The following HIBADH variants were observed in gnomAD, a reference collection of about 807,000 sequenced individuals.
HIBADH encodes 3-hydroxyisobutyrate dehydrogenase.
In HIBADH, 25 loss-of-function variants were observed where a neutral mutation model predicts 36.1. That is an observed-to-expected ratio of 0.69 (90% CI 0.50 to 0.97). The LOEUF is 0.97. Ranked by LOEUF, HIBADH falls within the 50% of genes least tolerant of loss-of-function variation. The pLI is 0.00. For missense variants in HIBADH, 421 were observed against 418.0 expected (o/e 1.01, Z -0.06); for synonymous variants, 160 against 149.5 (o/e 1.07, Z -0.51).
intron 1 of HIBADH, among the ~76,000 whole-genome samples, chr7:27,655,923 A>G (rs187882787): frequency 7.4e-4 from 112 of 152,306 alleles, no homozygotes; most frequent in African/African-American, 2.5e-3. Context: ...CAAATTGTAT[A>G]TTAGGTCGAC....
chr7:27,570,507 C>T (rs1469623857), intron 4 of HIBADH, among the ~76,000 whole-genome samples: 1 of 152,082 alleles, frequency 6.6e-6, no homozygotes, highest in East Asian at 1.9e-4. Context: ...TATCAGAAAG[C>T]AAATCAGTGT....
At chr7:27,561,730 A>T (rs1784471378) in intron 4 of HIBADH, among the ~76,000 whole-genome samples, 1 of 152,180 alleles carries the variant, frequency 6.6e-6, no homozygotes, top group Admixed American at 6.5e-5. Context: ...GTAGACATTT[A>T]TAAATTTCTT....
chr7:27,623,820 C>T (rs953584815), intron 4 of HIBADH, among the ~76,000 whole-genome samples: 1 of 152,122 alleles, frequency 6.6e-6, no homozygotes, highest in Non-Finnish European at 1.5e-5. Context: ...TTTTTTGAGA[C>T]AAGGTCTCAC....
In HIBADH at chr7:27,531,189, T is replaced by C. The variant is rs779809483; in HGVS notation, c.852+3A>G. The C allele has an allele frequency of 6.2e-7, 1 of 1,611,302 alleles. No individual in the cohort carries two copies. The highest frequency in any genetic ancestry group is 1.1e-5 in the South Asian group (1 of 90,500). ...CTCTCTTGGGTGTCTACATTTACCA[T>C]ACCTTAGCCATGAGTGTTGTTCCAA... On this transcript the variant is annotated splice_donor_region_variant and intron_variant, in intron 7 of 7. Coordinates refer to ENST00000265395, the MANE Select transcript of HIBADH (RefSeq NM_152740.4).
intron 4 of HIBADH, among the ~76,000 whole-genome samples, chr7:27,626,178 T>C (rs1175234558): frequency 6.8e-6 from 1 of 147,672 alleles, no homozygotes; most frequent in African/African-American, 2.5e-5. Context: ...TTTTACATGA[T>C]GTGATTATTA....
chr7:27,584,157 C>T (rs1608663), intron 4 of HIBADH, among the ~76,000 whole-genome samples: 121,124 of 151,976 alleles, frequency 0.8, 48,707 homozygotes, highest in East Asian at 0.97. Flanking sequence ...AAACCCAAAC[C>T]TGACAAATGG....
intron 4 of HIBADH, among the ~76,000 whole-genome samples, chr7:27,621,747 G>A (rs1258412986): frequency 6.6e-6 from 1 of 152,126 alleles, no homozygotes; most frequent in African/African-American, 2.4e-5. Flanking sequence ...AGCCGGGATG[G>A]CACCACTGCA....
intron 4 of HIBADH, among the ~76,000 whole-genome samples, chr7:27,601,673 A>G (rs1003247448): frequency 8.5e-5 from 13 of 152,106 alleles, no homozygotes; most frequent in Non-Finnish European, 1.3e-4. Flanking sequence ...ATTATGATTA[A>G]TAACTAAATA....
At chr7:27,607,179 A>G (rs187174179) in intron 4 of HIBADH, among the ~76,000 whole-genome samples, 2 of 152,202 alleles carry the variant, frequency 1.3e-5, no homozygotes, top group Admixed American at 6.5e-5. Flanking sequence ...ATTAAAGACC[A>G]TAAGATGTCA....
intron 2 of HIBADH, among the ~76,000 whole-genome samples, chr7:27,639,214 T>A (rs936469689): frequency 6.6e-6 from 1 of 152,034 alleles, no homozygotes; most frequent in Non-Finnish European, 1.5e-5. Context: ...GTAGACTGAA[T>A]AAAGAAAATG....
At chr7:27,569,194 G>A (rs1490355226) in intron 4 of HIBADH, among the ~76,000 whole-genome samples, 1 of 151,896 alleles carries the variant, frequency 6.6e-6, no homozygotes, top group East Asian at 1.9e-4. Context: ...ATTTCCATTT[G>A]GTTCTTTTTT....
At chr7:27,634,825 A>C (rs1785809101) in intron 2 of HIBADH, among the ~76,000 whole-genome samples, 1 of 152,238 alleles carries the variant, frequency 6.6e-6, no homozygotes, top group Non-Finnish European at 1.5e-5. Context: ...TAATCCCATA[A>C]ACTGGCAGTG....
At chr7:27,653,731 T>C (rs1388032298) in intron 1 of HIBADH, among the ~76,000 whole-genome samples, 2 of 150,510 alleles carry the variant, frequency 1.3e-5, no homozygotes, top group African/African-American at 2.5e-5. Flanking sequence ...TGTGAGACTC[T>C]GTCTCAAAAA....
chr7:27,611,930 G>T (rs1785328158), intron 4 of HIBADH, among the ~76,000 whole-genome samples: 1 of 151,954 alleles, frequency 6.6e-6, no homozygotes, highest in Non-Finnish European at 1.5e-5. Flanking sequence ...CCCCAGAAAG[G>T]GCATCCCATC....
intron 2 of HIBADH, among the ~76,000 whole-genome samples, chr7:27,648,184 G>A (rs1165823950): frequency 6.6e-6 from 1 of 152,086 alleles, no homozygotes; most frequent in Non-Finnish European, 1.5e-5. Context: ...GTAAAAGGCC[G>A]CCTTTCCCAG....
intron 4 of HIBADH, among the ~76,000 whole-genome samples, chr7:27,621,467 A>C (rs1785541997): frequency 6.6e-6 from 1 of 152,184 alleles, no homozygotes; most frequent in African/African-American, 2.4e-5. Flanking sequence ...ACCTTTTATT[A>C]GGCCACAAAA....
intron 2 of HIBADH, among the ~76,000 whole-genome samples, chr7:27,648,615 C>A (rs1186100529): frequency 6.6e-6 from 1 of 152,152 alleles, no homozygotes; most frequent in East Asian, 1.9e-4. Context: ...TACCACTCTA[C>A]AACTTGACCA....
At chr7:27,649,357 C>T (rs1370795337) in intron 2 of HIBADH, 116 bp downstream of exon 2, 26 of 702,348 alleles carry the variant, frequency 3.7e-5, no homozygotes, top group Non-Finnish European at 5.0e-5. Context: ...ATAAAATTAA[C>T]ACTGAATTAG....
intron 4 of HIBADH, among the ~76,000 whole-genome samples, chr7:27,581,179 A>C: frequency 6.6e-6 from 1 of 152,194 alleles, no homozygotes; most frequent in African/African-American, 2.4e-5. Flanking sequence ...AGTGATCATT[A>C]ATTTAAAATT....
Sources: allele counts gnomAD v4.1 joint callset (sites outside exome capture counted in the v4.1 genomes callset), GRCh38; gene constraint gnomAD v4.1.1; transcripts MANE v1.5; gene names NCBI Gene and HGNC (gene_info 2026-07-23, HGNC 2026-07-21).